CKMT2: variants seen among roughly 807,000 people sequenced by gnomAD.
CKMT2 encodes the protein creatine kinase, mitochondrial 2.
CKMT2 carries 43 observed loss-of-function variants against 48.9 expected under a neutral mutation model. The ratio of observed to expected loss-of-function variants is 0.88; its 90% CI spans 0.69 to 1.13. The LOEUF is 1.13. Ranked by LOEUF, CKMT2 falls within the 50% of genes most tolerant of loss-of-function variation. The probability of loss-of-function intolerance (pLI) is 0.00; values close to 1 mark genes in which losing one functional copy is unlikely to be tolerated. For synonymous variants in CKMT2, 206 were observed against 213.0 expected, an observed-to-expected ratio of 0.97 and a Z score of 0.29; for missense variants, 472 against 555.4, an observed-to-expected ratio of 0.85 and a Z score of 1.51.
At position 81,257,849 on chromosome 5, in the gene CKMT2, T is replaced by TA. The variant is rs1757070683; in HGVS notation, c.876dup (p.Glu293ArgfsTer17). 6.2e-7 allele frequency: 1 copy of TA among 1,611,070 alleles called. No individual in the cohort carries two copies. Among genetic ancestry groups the TA allele is most frequent in the African/African-American group, 1.3e-5 (1 of 74,792 alleles). On this transcript the variant is annotated frameshift_variant, in exon 7 of 10. Transcript: ENST00000254035. LOFTEE classifies it high-confidence loss of function. ...GTATTTGAGCGATTCTGTCGTGGAC[T>TA]AAAAGAAGTAAGATGTTATCTGAGA...
intron 2 of CKMT2, among the ~76,000 whole-genome samples, chr5:81,251,554 C>G (rs1489700099): frequency 6.6e-6 from 1 of 152,150 alleles, no homozygotes; most frequent in Non-Finnish European, 1.5e-5. Context: ...CGCCACTGCA[C>G]TCCAGCCTGG....
intron 1 of CKMT2, among the ~76,000 whole-genome samples, chr5:81,240,281 G>A (rs1363236633): frequency 1.3e-5 from 2 of 152,084 alleles, no homozygotes; most frequent in African/African-American, 2.4e-5. Flanking sequence ...GCCTCCCCTC[G>A]GCATCAGCCT....
chr5:81,234,707 G>A (rs886244199), intron 1 of CKMT2, among the ~76,000 whole-genome samples: 1 of 152,172 alleles, frequency 6.6e-6, no homozygotes, highest in African/African-American at 2.4e-5. Context: ...ATTAGGAAAT[G>A]GGCCATAGGC....
intron 1 of CKMT2, among the ~76,000 whole-genome samples, chr5:81,246,010 A>G (rs1303242004): frequency 6.6e-6 from 1 of 152,020 alleles, no homozygotes; most frequent in Non-Finnish European, 1.5e-5. Flanking sequence ...GACTGCAAAT[A>G]CATTCTCTCT....
At chr5:81,243,271 A>G (rs1343746459) in intron 1 of CKMT2, among the ~76,000 whole-genome samples, 1 of 152,238 alleles carries the variant, frequency 6.6e-6, no homozygotes, top group Non-Finnish European at 1.5e-5. Context: ...CCATGAGTAC[A>G]CTGCGAACTG....
chr5:81,259,350 C>G (rs1019670438), intron 8 of CKMT2, 96 bp downstream of exon 8: 53 of 1,072,360 alleles, frequency 4.9e-5, no homozygotes, highest in Middle Eastern at 2.1e-4. Flanking sequence ...TTCCTTAACC[C>G]TTACTTTCTC....
At chr5:81,257,394 T>G (rs1183684231) in intron 6 of CKMT2, among the ~76,000 whole-genome samples, 1 of 152,112 alleles carries the variant, frequency 6.6e-6, no homozygotes, top group Non-Finnish European at 1.5e-5. Context: ...GCACAAGATT[T>G]TGGTTGAATC....
At chr5:81,263,724 C>T (rs1017798411) in intron 9 of CKMT2, 108 bp downstream of exon 9, 13 of 985,348 alleles carry the variant, frequency 1.3e-5, no homozygotes, top group Non-Finnish European at 1.6e-5. Flanking sequence ...ACCTCCTCTT[C>T]GCCCATTGAG....
intron 1 of CKMT2, among the ~76,000 whole-genome samples, chr5:81,236,753 A>T (rs1407232302): frequency 6.6e-6 from 1 of 152,158 alleles, no homozygotes; most frequent in African/African-American, 2.4e-5. Context: ...CAATTGGTTA[A>T]ATCCATTTTG....
At chr5:81,241,006 T>TA (rs1362792990) in intron 1 of CKMT2, among the ~76,000 whole-genome samples, 2 of 152,192 alleles carry the variant, frequency 1.3e-5, no homozygotes, top group African/African-American at 4.8e-5. Context: ...TTCATTCACT[T>TA]ACTCATCAGA....
In CKMT2 at chr5:81,255,136, G is replaced by A. The variant is rs1404998941; in HGVS notation, c.591G>A (p.Glu197=). ...EVENVAITAL[E]GLKGDLAGRY... ...AGAACGTGGCCATCACTGCCCTGGA[G>A]GGCCTCAAGGGGGACCTGGCTGGCC... Residue 197 remains glutamate, a synonymous_variant, in exon 5 of 10, where the codon GAG becomes GAA. Coordinates refer to ENST00000254035, the MANE Select transcript of CKMT2 (RefSeq NM_001099735.2). The A allele has an allele frequency of 5.0e-6, 8 of 1,614,138 alleles. No individual in the cohort carries two copies. Among genetic ancestry groups the A allele is most frequent in the Non-Finnish European group, 5.9e-6 (7 of 1,180,026 alleles).
chr5:81,254,601 C>A, intron 4 of CKMT2, 110 bp downstream of exon 4: 1 of 892,628 alleles, frequency 1.1e-6, no homozygotes. Flanking sequence ...CCCTGGAAAG[C>A]ACTGTGACTG....
chr5:81,266,243 G>A lies in CKMT2; in HGVS notation c.1245G>A (p.Gln415=), dbSNP rs762554865. 2.5e-6 allele frequency: 4 copies of A among 1,613,040 alleles called. No homozygotes were observed. In the South Asian group the frequency reaches 3.3e-5, roughly 13 times the overall value. The change falls in exon 10 of 10, where the codon CAG becomes CAA. Residue 415 remains glutamine (Q), a synonymous_variant. Transcript: ENST00000254035. ...TTAAGGTGCCACCCCCTCTGCCTCA[G>A]TTTGGCAAAAAGTAAACTTTCCCTT... ...QDIKVPPPLP[Q]FGKK
At position 81,252,757 on chromosome 5, in the gene CKMT2, T is replaced by C; in HGVS notation, c.215T>C (p.Ile72Thr). Residue 72 changes from isoleucine (I) to threonine (T), a missense_variant, in exon 3 of 10, where the codon ATT becomes ACT. Transcript: ENST00000254035. Reference sequence around the variant, plus strand: ...ATGGCCGAGTGCCTCACCCCCGCCATTTATGCCAAGCTTCGCAACAAGGTG... The same window carrying C: ...ATGGCCGAGTGCCTCACCCCCGCCACTTATGCCAAGCTTCGCAACAAGGTG... The part of the protein sequence containing the change: ...NCMAECLTPA[I>T]YAKLRNKVTP... 3 of 1,614,194 alleles carry C rather than the reference T, an allele frequency of 1.9e-6. No homozygotes were observed. The highest frequency in any genetic ancestry group is 1.1e-5 in the South Asian group (1 of 91,082).
At chr5:81,244,516 TAC>T (rs1227722377) in intron 1 of CKMT2, among the ~76,000 whole-genome samples, 2 of 152,144 alleles carry the variant, frequency 1.3e-5, no homozygotes, top group East Asian at 3.9e-4. Flanking sequence ...CTACATATGC[TAC>T]AGTTACACGA....
intron 8 of CKMT2, among the ~76,000 whole-genome samples, chr5:81,260,480 G>GTCA: frequency 6.6e-6 from 1 of 151,658 alleles, no homozygotes; most frequent in East Asian, 1.9e-4. Context: ...CCACTAGTCA[G>GTCA]GCTAAAAAGA....
rs1757385895 is a variant in CKMT2, at chr5:81,266,367, C to CCTAT, written c.*112_*115dup. ...GAAAAATATAAAATTGTAGATCCTG[C>CCTAT]CTATCTTTACAATAAAACTCTCCTT... On this transcript the variant is annotated 3_prime_UTR_variant, in exon 10 of 10. Coordinates refer to ENST00000254035, the MANE Select transcript of CKMT2 (RefSeq NM_001099735.2). 2 of 1,036,646 alleles carry CCTAT rather than the reference C, an allele frequency of 1.9e-6. No homozygotes were observed. Among genetic ancestry groups the CCTAT allele is most frequent in the South Asian group, 3.4e-5 (2 of 58,642 alleles). The allele number at this position is 1,036,646 out of a possible 1,614,324, so 64.2% of individuals were successfully genotyped here.
At chr5:81,245,672 G>GTCTT (rs1360664310) in intron 1 of CKMT2, among the ~76,000 whole-genome samples, 1 of 152,156 alleles carries the variant, frequency 6.6e-6, no homozygotes, top group Non-Finnish European at 1.5e-5. Context: ...TTCACTATAG[G>GTCTT]TCTTATGAAG....
chr5:81,233,329 C>T lies in CKMT2; in HGVS notation c.-69C>T. The T allele has an allele frequency of 1.0e-6, 1 of 985,776 alleles. No homozygotes were observed. Among genetic ancestry groups the T allele is most frequent in the Non-Finnish European group, 1.2e-6 (1 of 830,216 alleles). The allele number at this position is 985,776 out of a possible 1,614,324, so 61.1% of individuals were successfully genotyped here. A position where few individuals can be genotyped will look rare whatever the true frequency, so the allele number is the denominator to read the frequency against. On this transcript the variant is annotated 5_prime_UTR_variant, in exon 1 of 10. Transcript: ENST00000254035. Reference sequence around the variant, plus strand: ...GCCCGACCAGCTCGCCCTGCATACACTTCTTGGCTGTGTGCGCTCAGCAGG... The same window carrying T: ...GCCCGACCAGCTCGCCCTGCATACATTTCTTGGCTGTGTGCGCTCAGCAGG...
Sources: allele counts gnomAD v4.1 joint callset (sites outside exome capture counted in the v4.1 genomes callset), GRCh38; gene constraint gnomAD v4.1.1; transcripts MANE v1.5; gene names NCBI Gene and HGNC (gene_info 2026-07-23, HGNC 2026-07-21).